KLF7: variants seen among roughly 807,000 people sequenced by gnomAD.
KLF7 encodes KLF transcription factor 7, also known as Krueppel-like factor 7.
Under a neutral mutation model 27.3 loss-of-function variants are expected in KLF7, and 2 were observed. That is an observed-to-expected ratio of 0.07 (90% CI 0.03 to 0.23). The LOEUF is 0.23. Among genes scored for constraint, KLF7 ranks in the 10% least tolerant of loss-of-function variants. KLF7 has a pLI of 1.00. For missense variants in KLF7, 221 were observed against 394.1 expected (o/e 0.56, Z 3.72); for synonymous variants, 165 against 162.4 (o/e 1.02, Z -0.12).
At chr2:207,155,463 T>C (rs2078357097) in intron 1 of KLF7, among the ~76,000 whole-genome samples, 1 of 152,156 alleles carries the variant, frequency 6.6e-6, no homozygotes, top group Non-Finnish European at 1.5e-5. Context: ...TGCTCCCTAG[T>C]TAAAGAAAGA....
At position 207,124,306 on chromosome 2, in the gene KLF7, G is replaced by A. The variant is rs757593472; in HGVS notation, c.201C>T (p.Pro67=). 6.2e-7 allele frequency: 1 copy of A among 1,613,500 alleles called. No individual in the cohort carries two copies. The change falls in exon 2 of 4, where the codon CCC becomes CCT. Residue 67 remains proline, a synonymous_variant. Transcript: ENST00000309446. ...GACGGAAGCTTTCCTCAATGCACGG[G>A]GGAGGGGAAGCGTGGAGGAAACAGT... The part of the protein sequence containing the change: ...DLDCFLHASP[P]PCIEESFRRL...
chr2:207,112,936 A>G lies in KLF7; in HGVS notation c.733+10838T>C, dbSNP rs1265838099. Among the ~76,000 whole-genome samples the G allele has an allele frequency of 2.6e-5, 4 of 152,262 alleles. No homozygotes were observed. In the East Asian group the frequency reaches 7.7e-4, roughly 29 times the overall value. On this transcript the variant is annotated intron_variant, in intron 2 of 3. Coordinates refer to ENST00000309446, the MANE Select transcript of KLF7 (RefSeq NM_003709.4). ...TAAATGCTATGTCCCAGTGAAAAGC[A>G]CCAGGGCATGTGCTGTGCACATCAA...
Position 207,078,451 on chromosome 2 carries a change from T to C in KLF7, c.*2762A>G, listed in dbSNP as rs1359395050. ...AAAATAGGGAGCAAACAAGCAATGA[T>C]TACTCTTTTGCATTTTTTAAACTTT... is the stretch of plus-strand genomic sequence containing the variant. On this transcript the variant is annotated 3_prime_UTR_variant, in exon 4 of 4. Coordinates refer to ENST00000309446, the MANE Select transcript of KLF7 (RefSeq NM_003709.4). 1 of 152,242 alleles carries C rather than the reference T, an allele frequency of 6.6e-6. No individual in the cohort carries two copies. The highest frequency in any genetic ancestry group is 6.5e-5 in the Admixed American group (1 of 15,286). The allele number at this position is 152,242 out of a possible 1,614,324, so 9.4% of individuals were successfully genotyped here.
chr2:207,148,102 T>C (rs2078146393), intron 1 of KLF7, among the ~76,000 whole-genome samples: 1 of 152,200 alleles, frequency 6.6e-6, no homozygotes, highest in African/African-American at 2.4e-5. Context: ...TCTGTCCAAT[T>C]CATGATCTCA....
chr2:207,146,667 C>T (rs1254096601), intron 1 of KLF7, among the ~76,000 whole-genome samples: 1 of 152,112 alleles, frequency 6.6e-6, no homozygotes, highest in Non-Finnish European at 1.5e-5. Flanking sequence ...TTCCTTTCTT[C>T]CTTTTACTTA....
At chr2:207,166,895 G>C, upstream of KLF7, 2 of 1,065,778 alleles carry the variant, frequency 1.9e-6, no homozygotes, top group Non-Finnish European at 2.3e-6. Context: ...ACCGCGGCCT[G>C]CGCCCGCCCC....
chr2:207,155,566 C>T (rs2078359724), intron 1 of KLF7, among the ~76,000 whole-genome samples: 1 of 152,108 alleles, frequency 6.6e-6, no homozygotes, highest in Non-Finnish European at 1.5e-5. Flanking sequence ...CATATGCAAA[C>T]ATAAAAAGAC....
chr2:207,126,857 T>C (rs978011573), intron 1 of KLF7, among the ~76,000 whole-genome samples: 1 of 152,064 alleles, frequency 6.6e-6, no homozygotes, highest in Non-Finnish European at 1.5e-5. Context: ...CAGATGTCCT[T>C]GAGGTAGTTC....
chr2:207,128,094 C>A (rs2077530155), intron 1 of KLF7, among the ~76,000 whole-genome samples: 1 of 152,032 alleles, frequency 6.6e-6, no homozygotes, highest in African/African-American at 2.4e-5. Context: ...AACCAGGACT[C>A]CCTAGAGAAA....
intron 2 of KLF7, among the ~76,000 whole-genome samples, chr2:207,092,627 A>G (rs7582048): frequency 0.25 from 37,389 of 152,170 alleles, 5,206 homozygotes; most frequent in Middle Eastern, 0.32. Context: ...GCGTTCTCCC[A>G]CAAAATTCAT....
intron 2 of KLF7, among the ~76,000 whole-genome samples, chr2:207,097,187 G>A (rs1328442414): frequency 6.6e-6 from 1 of 152,040 alleles, no homozygotes; most frequent in Non-Finnish European, 1.5e-5. Context: ...CCACATAATA[G>A]CAATGTGGCC....
rs1037859377 is a variant in KLF7 at position 207,075,258 on chromosome 2, A to G, written c.*5955T>C. ...TTTTCTTCATTAATAATTTTGTAAC[A>G]TTAACATACCACCATCATATAATAC... On this transcript the variant is annotated 3_prime_UTR_variant, in exon 4 of 4. Coordinates refer to ENST00000309446, the MANE Select transcript of KLF7 (RefSeq NM_003709.4). 6.6e-5 allele frequency: 10 copies of G among 151,796 alleles called. No homozygotes were observed. The highest frequency in any genetic ancestry group is 1.3e-4 in the Admixed American group (2 of 15,234). The allele number at this position is 151,796 out of a possible 1,614,324, so 9.4% of individuals were successfully genotyped here.
intron 1 of KLF7, among the ~76,000 whole-genome samples, chr2:207,144,207 G>C (rs2078033249): frequency 6.6e-6 from 1 of 151,928 alleles, no homozygotes; most frequent in Non-Finnish European, 1.5e-5. Context: ...AGCAAAGGCT[G>C]GGTGGCAGAG....
intron 3 of KLF7, among the ~76,000 whole-genome samples, chr2:207,086,379 C>G (rs1007629119): frequency 2.6e-5 from 4 of 152,234 alleles, no homozygotes; most frequent in African/African-American, 4.8e-5. Flanking sequence ...AAGGTGCTGC[C>G]TGTCATGAGA....
At chr2:207,098,778 A>ATTTTTTTTTTTTTTTTTTTTTTTTTTTTT in intron 2 of KLF7, among the ~76,000 whole-genome samples, 1 of 104,694 alleles carries the variant, frequency 9.6e-6, no homozygotes, top group Non-Finnish European at 1.8e-5. Flanking sequence ...CACTTGGCTA[A>ATTTTTTTTTTTTTTTTTTTTTTTTTTTTT]TTTTTTTTTT....
upstream of KLF7, among the ~76,000 whole-genome samples, chr2:207,170,496 A>G (rs1482478350): frequency 6.6e-6 from 1 of 152,238 alleles, no homozygotes; most frequent in Non-Finnish European, 1.5e-5. Context: ...GCAGCCTTCC[A>G]TTGAAAGAAG....
upstream of KLF7, chr2:207,166,205 G>A (rs980165684): frequency 3.7e-5 from 36 of 984,946 alleles, 1 homozygote; most frequent in East Asian, 1.3e-3. Context: ...AAGGTAAACA[G>A]GGGGCTCATG....
chr2:207,140,737 T>C (rs1438771841), intron 1 of KLF7, among the ~76,000 whole-genome samples: 2 of 152,206 alleles, frequency 1.3e-5, no homozygotes, highest in Non-Finnish European at 2.9e-5. Context: ...TATAATCACC[T>C]GTTAGTAACA....
At chr2:207,147,252 A>C (rs886837562) in intron 1 of KLF7, among the ~76,000 whole-genome samples, 1 of 152,174 alleles carries the variant, frequency 6.6e-6, no homozygotes. Flanking sequence ...ATTTCAAAAA[A>C]CAGAAACACA....
Sources: gnomAD v4.1 joint callset for allele counts (sites outside exome capture counted in the v4.1 genomes callset) on GRCh38, gnomAD v4.1.1 for gene constraint, MANE v1.5 for transcripts, NCBI Gene and HGNC (gene_info 2026-07-23, HGNC 2026-07-21) for gene names.